GNAS: variants seen among roughly 807,000 people sequenced by gnomAD.
GNAS encodes GNAS complex locus.
In GNAS, 8 loss-of-function variants were observed where a neutral mutation model predicts 54.5. The ratio of observed to expected loss-of-function variants is 0.15; its 90% CI spans 0.09 to 0.26. The LOEUF is 0.26. Ranked by LOEUF, GNAS falls within the 10% of genes least tolerant of loss-of-function variation. The pLI, the probability that GNAS is intolerant of heterozygous loss-of-function variation, is 1.00. For missense variants in GNAS, 170 were observed against 529.8 expected (o/e 0.32, Z 6.67); for synonymous variants, 204 against 191.4 (o/e 1.07, Z -0.54).
chr20:58,910,320 C>G lies in GNAS; in HGVS notation c.971-14C>G, dbSNP rs765256611. On this transcript the variant is annotated splice_polypyrimidine_tract_variant and intron_variant, in intron 11 of 12. Transcript: ENST00000371085. This position sits in a 1 kb window ranked among gnomAD's most constrained non-coding sequence, Gnocchi z 5.8. The stretch of plus-strand genomic sequence containing the variant: ...ATTTTAAATTACATTAATATGTATT[C>G]CCTTTTTATATAGCTACTCCCGAGC... 1.3e-6 allele frequency: 2 copies of G among 1,585,524 alleles called. No homozygotes were observed. Among genetic ancestry groups the G allele is most frequent in the Non-Finnish European group, 8.7e-7 (1 of 1,154,070 alleles).
chr20:58,866,975 T>C (rs1165501263), intron 1 of GNAS, among the ~76,000 whole-genome samples: 1 of 152,216 alleles, frequency 6.6e-6, no homozygotes, highest in Non-Finnish European at 1.5e-5. Context: ...ATAAATTATA[T>C]ATCAGACATG....
intron 1 of GNAS, among the ~76,000 whole-genome samples, chr20:58,850,186 A>G (rs1171457790): frequency 6.6e-6 from 1 of 152,040 alleles, no homozygotes; most frequent in Non-Finnish European, 1.5e-5. Context: ...GGCCCATATA[A>G]AAAGTCATTT....
Position 58,845,708 on chromosome 20 carries a change from C to T in GNAS, c.43+4822C>T, listed in dbSNP as rs372501028. Among the ~76,000 whole-genome samples the T allele has an allele frequency of 4.0e-4, 61 of 152,238 alleles. 1 individual carries two copies. The highest frequency in any genetic ancestry group is 2.1e-3 in the South Asian group (10 of 4,820). On this transcript the variant is annotated intron_variant, in intron 1 of 12. Transcript: ENST00000306090. ...TAAAAATCTCATGAGTTTTTTCAAA[C>T]GCCTCCAATAGCTATGCTGGTCCAA...
At chr20:58,894,984 G>A (rs569152363) in intron 1 of GNAS, among the ~76,000 whole-genome samples, 3 of 152,224 alleles carry the variant, frequency 2.0e-5, no homozygotes, top group Non-Finnish European at 4.4e-5. Flanking sequence ...TGTGAGGAAA[G>A]AGGAGGATGG....
chr20:58,880,177 T>C (rs1260934434), intron 1 of GNAS, among the ~76,000 whole-genome samples: 1 of 152,174 alleles, frequency 6.6e-6, no homozygotes, highest in Non-Finnish European at 1.5e-5. Flanking sequence ...GAAGGGGCAA[T>C]GGCTCCTTGG....
intron 6 of GNAS, among the ~76,000 whole-genome samples, chr20:58,907,532 T>TG (rs1031805245): frequency 8.5e-5 from 13 of 152,274 alleles, no homozygotes; most frequent in South Asian, 2.1e-4. Context: ...TTTTGAATGC[T>TG]GGGGGGGCAG....
rs143543714 is a variant in GNAS, at chr20:58,898,577, G to A, written c.213-364G>A. Reference sequence around the variant, plus strand: ...CCTGGGAGAATTAGGAGCCTTATGCGCTGCCATATTCTCCAAAGAATTGTG... The same window carrying A: ...CCTGGGAGAATTAGGAGCCTTATGCACTGCCATATTCTCCAAAGAATTGTG... On this transcript the variant is annotated intron_variant, in intron 2 of 12. Transcript: ENST00000371085. 2,143 of 315,822 alleles carry A rather than the reference G, an allele frequency of 6.8e-3. 41 individuals are homozygous for A. Among genetic ancestry groups the A allele is most frequent in the African/African-American group, 0.041 (2,001 of 48,502 alleles). 19.6% of individuals were successfully genotyped at this position (315,822 alleles called of 1,614,324 possible).
chr20:58,861,234 C>T (rs566286290), intron 1 of GNAS, among the ~76,000 whole-genome samples: 5 of 152,290 alleles, frequency 3.3e-5, no homozygotes, highest in South Asian at 4.2e-4. Flanking sequence ...AACCCACTCA[C>T]GCCATTTGCC....
upstream of GNAS, chr20:58,840,125 G>A: frequency 6.2e-7 from 1 of 1,611,430 alleles, no homozygotes; most frequent in Non-Finnish European, 8.5e-7. This position sits in a 1 kb window ranked among gnomAD's most constrained non-coding sequence, Gnocchi z 6.0. Context: ...GAGGTCCCGG[G>A]CTCAGCAGTG....
chr20:58,884,005 A>C (rs2088426533), intron 1 of GNAS, among the ~76,000 whole-genome samples: 2 of 152,342 alleles, frequency 1.3e-5, no homozygotes, highest in South Asian at 4.1e-4. Context: ...TGTGTGACTA[A>C]TTATGTCACG....
rs765206459 is a variant in GNAS at position 58,853,457 on chromosome 20, T to C, written c.43+12571T>C. ...ACGAGCCCATCCCCGTCGAGAATGA[T>C]GGCGAGGCCTGTGGACCCCCAGAGG... On this transcript the variant is annotated intron_variant, in intron 1 of 12. Transcript: ENST00000306090. This position sits in a 1 kb window ranked among gnomAD's most constrained non-coding sequence, Gnocchi z 4.4. 1.9e-6 allele frequency: 3 copies of C among 1,611,946 alleles called. No individual in the cohort carries two copies. Among genetic ancestry groups the C allele is most frequent in the African/African-American group, 1.3e-5 (1 of 74,970 alleles).
chr20:58,858,973 C>G (rs2086638738), intron 1 of GNAS, among the ~76,000 whole-genome samples: 1 of 152,144 alleles, frequency 6.6e-6, no homozygotes, highest in South Asian at 2.1e-4. Flanking sequence ...GTCTGAAATT[C>G]TACCTTGGTT....
At chr20:58,898,600 G>GT (rs1337198016) in intron 2 of GNAS, 18 of 390,094 alleles carry the variant, frequency 4.6e-5, no homozygotes, top group Admixed American at 1.5e-4. Context: ...CCAAAGAATT[G>GT]TGAGATAAAT....
intron 1 of GNAS, chr20:58,895,354 C>T (rs2089945326): frequency 2.1e-6 from 1 of 479,426 alleles, no homozygotes. Flanking sequence ...TTTAAACAAT[C>T]AAAAGAAAAA....
intron 1 of GNAS, chr20:58,855,661 C>CGGGGAGGGGCCCCG: frequency 2.1e-6 from 1 of 477,134 alleles, no homozygotes; most frequent in Admixed American, 2.5e-5. Flanking sequence ...CAGGAACTGC[C>CGGGGAGGGGCCCCG]GGGGAGGGGC....
chr20:58,905,685 G>A (rs574160986), intron 6 of GNAS, among the ~76,000 whole-genome samples: 1 of 152,122 alleles, frequency 6.6e-6, no homozygotes, highest in South Asian at 2.1e-4. Flanking sequence ...TTAGTGCAGC[G>A]ACATTATTTT....
intron 1 of GNAS, chr20:58,842,216 C>T: frequency 2.5e-6 from 1 of 398,482 alleles, no homozygotes; most frequent in Non-Finnish European, 4.4e-6. Context: ...CCTCGCCAGT[C>T]CTGGGGGGAA....
Position 58,891,875 on chromosome 20 carries a change from G to A in GNAS, c.139+10G>A. ...CGCCTGCTGCTGCTGGGTAAGGGCGGGCGGGGGGCGCCGGCCCCGGCCCGG... is the reference window on the plus strand; with the variant it reads ...CGCCTGCTGCTGCTGGGTAAGGGCGAGCGGGGGGCGCCGGCCCCGGCCCGG... On this transcript the variant is annotated intron_variant, in intron 1 of 12. Coordinates refer to ENST00000371085, the MANE Select transcript of GNAS (RefSeq NM_000516.7). The A allele has an allele frequency of 8.5e-7, 1 of 1,169,852 alleles. No homozygotes were observed. Among genetic ancestry groups the A allele is most frequent in the Non-Finnish European group, 1.1e-6 (1 of 914,886 alleles). 72.5% of individuals were successfully genotyped at this position (1,169,852 alleles called of 1,614,324 possible).
chr20:58,879,633 G>A (rs761217471), intron 1 of GNAS, among the ~76,000 whole-genome samples: 1 of 152,176 alleles, frequency 6.6e-6, no homozygotes, highest in Non-Finnish European at 1.5e-5. Flanking sequence ...GGGTGCGGAA[G>A]GAAGGGTACA....
Sources: allele counts gnomAD v4.1 joint callset (sites outside exome capture counted in the v4.1 genomes callset), GRCh38; gene constraint gnomAD v4.1.1; non-coding constraint Gnocchi (gnomAD v3.1); transcripts MANE v1.5; gene names NCBI Gene and HGNC (gene_info 2026-07-23, HGNC 2026-07-21).